Variants in TPD52 observed in about 807,000 individuals in gnomAD.
The protein encoded by TPD52 is tumor protein D52.
In TPD52, 17 loss-of-function variants were observed where a neutral mutation model predicts 31.3. That is an observed-to-expected ratio of 0.54 (90% CI 0.37 to 0.82). The LOEUF (loss-of-function observed/expected upper bound fraction) is 0.82. TPD52 is among the 40% of genes least tolerant of loss of function. TPD52 has a pLI of 0.00. For missense variants in TPD52, 212 were observed against 240.1 expected (o/e 0.88, Z 0.77); for synonymous variants, 83 against 89.6 (o/e 0.93, Z 0.42).
intron 1 of TPD52, among the ~76,000 whole-genome samples, chr8:80,152,797 A>AAAAAAAAAAAAAAC (rs1810675571): frequency 6.6e-6 from 1 of 151,016 alleles, no homozygotes; most frequent in Admixed American, 6.6e-5. Context: ...AAAAAAAAAA[A>AAAAAAAAAAAAAAC]ATGCCAGGCA....
At chr8:80,094,323 G>A (rs374336648) in intron 1 of TPD52, among the ~76,000 whole-genome samples, 1 of 149,794 alleles carries the variant, frequency 6.7e-6, no homozygotes, top group African/African-American at 2.4e-5. Context: ...CTAACAAATC[G>A]CCAAGCCAAT....
chr8:80,103,940 TAA>T (rs775028247), intron 1 of TPD52, among the ~76,000 whole-genome samples: 2 of 152,144 alleles, frequency 1.3e-5, no homozygotes, highest in African/African-American at 2.4e-5. Flanking sequence ...CCAGGTTACT[TAA>T]GAGTGTATGT....
intron 1 of TPD52, among the ~76,000 whole-genome samples, chr8:80,100,949 T>C (rs1185355024): frequency 6.6e-6 from 1 of 152,240 alleles, no homozygotes; most frequent in Non-Finnish European, 1.5e-5. Flanking sequence ...TTTGACCAAA[T>C]GTCTGGGCAC....
intron 2 of TPD52, among the ~76,000 whole-genome samples, chr8:80,058,787 T>A (rs1160592692): frequency 6.6e-6 from 1 of 151,960 alleles, no homozygotes; most frequent in Non-Finnish European, 1.5e-5. Context: ...AACAACAGAG[T>A]GAAACTCTGT....
chr8:80,098,602 C>T (rs1459842193), intron 1 of TPD52, among the ~76,000 whole-genome samples: 1 of 152,198 alleles, frequency 6.6e-6, no homozygotes, highest in Admixed American at 6.5e-5. Context: ...CATGATAACA[C>T]TTGAAGGGAT....
intron 1 of TPD52, among the ~76,000 whole-genome samples, chr8:80,076,163 C>A (rs1209880102): frequency 6.6e-6 from 1 of 152,120 alleles, no homozygotes; most frequent in Non-Finnish European, 1.5e-5. Flanking sequence ...GGGTATACAC[C>A]CAAAGGAATA....
At chr8:80,063,923 G>A (rs1563586922) in intron 2 of TPD52, among the ~76,000 whole-genome samples, 1 of 130,956 alleles carries the variant, frequency 7.6e-6, no homozygotes, top group African/African-American at 2.9e-5. Context: ...CAGAGGGAGG[G>A]AGGGGGAGGG....
At chr8:80,130,613 G>T (rs528742096) in intron 1 of TPD52, among the ~76,000 whole-genome samples, 1 of 152,228 alleles carries the variant, frequency 6.6e-6, no homozygotes, top group South Asian at 2.1e-4. Context: ...ACAGAGTCAA[G>T]AAATCACAAC....
At chr8:80,080,127 T>C (rs2130822031) in intron 1 of TPD52, among the ~76,000 whole-genome samples, 1 of 152,344 alleles carries the variant, frequency 6.6e-6, no homozygotes, top group Non-Finnish European at 1.5e-5. Flanking sequence ...CTTCTAAGTA[T>C]ACACATATTC....
intron 1 of TPD52, among the ~76,000 whole-genome samples, chr8:80,155,270 G>A (rs1052432451): frequency 3.3e-5 from 5 of 152,268 alleles, no homozygotes; most frequent in South Asian, 2.1e-4. Context: ...CTGACTGGCC[G>A]TTCCTCCATC....
intron 1 of TPD52, among the ~76,000 whole-genome samples, chr8:80,154,542 A>G (rs994130889): frequency 1.3e-5 from 2 of 152,224 alleles, no homozygotes; most frequent in African/African-American, 4.8e-5. Flanking sequence ...TTTTTAAATT[A>G]TGACACCTTT....
At chr8:80,157,057 GCTCC>G (rs1222462614) in intron 1 of TPD52, among the ~76,000 whole-genome samples, 10 of 152,108 alleles carry the variant, frequency 6.6e-5, no homozygotes, top group Admixed American at 1.3e-4. Flanking sequence ...TGAGGTTCCC[GCTCC>G]ACTTTGGATT....
chr8:80,171,563 TCCCCACC>T, exon 1 of TPD52: 1 of 1,300,676 alleles, frequency 7.7e-7, no homozygotes, highest in South Asian at 1.8e-5. Flanking sequence ...TCCCGCGAAG[TCCCCACC>T]CCCAGAGGCG....
intron 1 of TPD52, among the ~76,000 whole-genome samples, chr8:80,070,102 C>A (rs989315859): frequency 6.6e-6 from 1 of 152,168 alleles, no homozygotes; most frequent in African/African-American, 2.4e-5. Context: ...CAAATTTCAA[C>A]TGGGGAAAGC....
intron 1 of TPD52, among the ~76,000 whole-genome samples, chr8:80,135,700 T>C (rs896088995): frequency 1.3e-5 from 2 of 149,626 alleles, no homozygotes; most frequent in Non-Finnish European, 3.0e-5. Context: ...TATTGCGGCA[T>C]TATTCACAAT....
chr8:80,100,861 G>C (rs954482417), intron 1 of TPD52, among the ~76,000 whole-genome samples: 1 of 152,196 alleles, frequency 6.6e-6, no homozygotes, highest in African/African-American at 2.4e-5. Context: ...CACATTCGGA[G>C]AAGTCAATCT....
chr8:80,157,208 C>T (rs1811032867), intron 1 of TPD52, among the ~76,000 whole-genome samples: 1 of 151,992 alleles, frequency 6.6e-6, no homozygotes, highest in African/African-American at 2.4e-5. Flanking sequence ...TGACCACAGC[C>T]CCAGACAGAG....
chr8:80,160,490 T>C (rs530525694), intron 1 of TPD52, among the ~76,000 whole-genome samples: 9 of 152,286 alleles, frequency 5.9e-5, no homozygotes, highest in Admixed American at 2.6e-4. Flanking sequence ...ATTCCATACT[T>C]AATATTCCAA....
intron 1 of TPD52, among the ~76,000 whole-genome samples, chr8:80,125,589 G>A (rs10102087): frequency 1.2e-4 from 18 of 151,730 alleles, no homozygotes; most frequent in African/African-American, 4.1e-4. Flanking sequence ...GACTACTGCA[G>A]TTCATTCAAC....
Sources: gnomAD v4.1 joint callset for allele counts (sites outside exome capture counted in the v4.1 genomes callset) on GRCh38, gnomAD v4.1.1 for gene constraint, MANE v1.5 for transcripts, NCBI Gene and HGNC (gene_info 2026-07-23, HGNC 2026-07-21) for gene names.